Variants in LIG1 observed in about 807,000 individuals in gnomAD.
LIG1 encodes the protein ligase I, DNA, ATP-dependent.
A neutral mutation model predicts 115.7 loss-of-function variants in LIG1; 70 were observed. The observed-to-expected ratio is 0.60, with a 90% confidence interval of 0.50 to 0.74. The LOEUF (loss-of-function observed/expected upper bound fraction) is 0.74, where lower values mean the gene tolerates loss of function less well. LIG1 is among the 30% of genes least tolerant of loss of function. The pLI, the probability that LIG1 is intolerant of heterozygous loss-of-function variation, is 0.00. For missense variants in LIG1, 1,115 were observed against 1,225.6 expected (o/e 0.91, Z 1.35); for synonymous variants, 487 against 495.3 (o/e 0.98, Z 0.22).
At position 48,170,330 on chromosome 19, in the gene LIG1, C is replaced by T. The variant is rs1009692839; in HGVS notation, c.-147G>A. The T allele has an allele frequency of 1.4e-5, 6 of 442,016 alleles. No individual in the cohort carries two copies. The highest frequency in any genetic ancestry group is 2.3e-5 in the Non-Finnish European group (5 of 220,034). The allele number at this position is 442,016 out of a possible 1,614,324, so 27.4% of individuals were successfully genotyped here. ...AGTCCCAAGTTCGCGCCACGGCATT[C>T]GCGCGCAGACGTCTGCGGGCGGGGG... On this transcript the variant is annotated 5_prime_UTR_variant, in exon 1 of 28. Transcript: ENST00000263274.
chr19:48,163,671 TG>T (rs2036314327), intron 2 of LIG1, among the ~76,000 whole-genome samples: 1 of 149,688 alleles, frequency 6.7e-6, no homozygotes, highest in South Asian at 2.2e-4. Flanking sequence ...GGGCCTGGCA[TG>T]GTGGCTCACA....
intron 25 of LIG1, among the ~76,000 whole-genome samples, chr19:48,118,851 A>T (rs2033061975): frequency 6.6e-6 from 1 of 152,328 alleles, no homozygotes; most frequent in Non-Finnish European, 1.5e-5. Flanking sequence ...CTTCACAAGG[A>T]GCAGCTATGG....
In LIG1 at chr19:48,167,835, A is replaced by C. The variant is rs529615339; in HGVS notation, c.-57-2212T>G. On this transcript the variant is annotated intron_variant, in intron 1 of 27. Transcript: ENST00000263274. Reference sequence around the variant, plus strand: ...AGCGAGACCCCGTCTTAAAAAAAAAAAAAAAAAAAAAAAAACAAACAAAAA... The same window carrying C: ...AGCGAGACCCCGTCTTAAAAAAAAACAAAAAAAAAAAAAAACAAACAAAAA... Among the ~76,000 whole-genome samples the C allele has an allele frequency of 2.1e-3, 322 of 151,758 alleles. 2 individuals are homozygous for C. Among genetic ancestry groups the C allele is most frequent in the East Asian group, 8.1e-3 (42 of 5,176 alleles).
intron 15 of LIG1, 112 bp from the exon 16 acceptor site, chr19:48,135,891 G>GCGGGCCC: frequency 3.2e-6 from 3 of 928,678 alleles, no homozygotes; most frequent in Non-Finnish European, 3.4e-6. Flanking sequence ...GGCCCAAGAC[G>GCGGGCCC]CCCCCTCCCC....
At chr19:48,146,348 C>T (rs1193357582) in intron 9 of LIG1, among the ~76,000 whole-genome samples, 1 of 152,194 alleles carries the variant, frequency 6.6e-6, no homozygotes, top group Non-Finnish European at 1.5e-5. Flanking sequence ...TTGGAATAAT[C>T]CCTGCTGTTC....
chr19:48,116,681 A>G (rs1226142608), intron 26 of LIG1, among the ~76,000 whole-genome samples: 1 of 151,980 alleles, frequency 6.6e-6, no homozygotes, highest in Non-Finnish European at 1.5e-5. Flanking sequence ...CGTCTTACGG[A>G]TTTTGAGAGG....
At chr19:48,129,275 T>C (rs1185813448) in intron 19 of LIG1, among the ~76,000 whole-genome samples, 1 of 152,176 alleles carries the variant, frequency 6.6e-6, no homozygotes, top group Non-Finnish European at 1.5e-5. Context: ...GGTCTCGAAC[T>C]CCTAACCTCA....
At chr19:48,142,442 C>CAAAAGAAAAAAAAAA (rs2034825432) in intron 11 of LIG1, among the ~76,000 whole-genome samples, 1 of 75,604 alleles carries the variant, frequency 1.3e-5, no homozygotes, top group African/African-American at 4.9e-5. Flanking sequence ...GACTCCATCT[C>CAAAAGAAAAAAAAAA]AAAAAAAAAA....
intron 23 of LIG1, among the ~76,000 whole-genome samples, 153 bp from the exon 24 acceptor site, chr19:48,121,475 G>C (rs1036494835): frequency 1.3e-5 from 2 of 152,188 alleles, no homozygotes; most frequent in African/African-American, 4.8e-5. Flanking sequence ...CCTGGGAAGA[G>C]ACTGGACATG....
At position 48,143,631 on chromosome 19, in the gene LIG1, G is replaced by A. The variant is rs1222981365; in HGVS notation, c.858-32C>T. 1.9e-6 allele frequency: 3 copies of A among 1,584,070 alleles called. No homozygotes were observed. The South Asian group carries it at 3.3e-5, about 18-fold the overall frequency. ...AAGGAAAAGAGACGCAAGAGTGACA[G>A]TGGTGCAGGCTATACCATGCTGCCC... On this transcript the variant is annotated intron_variant, in intron 10 of 27. Transcript: ENST00000263274.
chr19:48,127,195 TG>T, intron 21 of LIG1, 81 bp downstream of exon 21: 1 of 1,133,194 alleles, frequency 8.8e-7, no homozygotes, highest in Non-Finnish European at 1.3e-6. Context: ...GAGTCGGAAA[TG>T]GAAGTCAGAG....
In LIG1 at chr19:48,143,934, G is replaced by C. The variant is rs1341120570; in HGVS notation, c.806C>G (p.Ala269Gly). 1.3e-5 allele frequency: 21 copies of C among 1,614,042 alleles called. No homozygotes were observed. Among genetic ancestry groups the C allele is most frequent in the Non-Finnish European group, 1.8e-5 (21 of 1,179,934 alleles). The change falls in exon 10 of 28, where the codon GCC (alanine) becomes GGC (glycine). Residue 269 changes from alanine to glycine, a missense_variant. Physicochemically the swap from Ala to Gly is moderately conservative, Grantham distance 60. Transcript: ENST00000263274. ...TTCCACGGGATGATAGTTGTTCTTGGCAGGATTGTAACCAGATGGATCCAG... is the reference window on the plus strand; with the variant it reads ...TTCCACGGGATGATAGTTGTTCTTGCCAGGATTGTAACCAGATGGATCCAG... ...GPLDPSGYNP[A>G]KNNYHPVEDA... is the part of the protein sequence containing the mutation.
chr19:48,133,503 G>A (rs3729519), intron 17 of LIG1: 36,269 of 314,946 alleles, frequency 0.12, 3,621 homozygotes, highest in African/African-American at 0.33. Context: ...CTGGGACACA[G>A]CTGCACACCT....
chr19:48,160,738 CTT>C (rs747316658), intron 4 of LIG1, among the ~76,000 whole-genome samples: 8 of 144,334 alleles, frequency 5.5e-5, no homozygotes, highest in African/African-American at 2.5e-5. Context: ...TATTTTTTTG[CTT>C]TTTTTTTTTT....
At position 48,137,152 on chromosome 19, in the gene LIG1, C is replaced by T. The variant is rs2034445932; in HGVS notation, c.1255-68G>A. 5.4e-6 allele frequency: 7 copies of T among 1,304,846 alleles called. No homozygotes were observed. Among genetic ancestry groups the T allele is most frequent in the African/African-American group, 4.3e-5 (3 of 69,044 alleles). The allele number at this position is 1,304,846 out of a possible 1,614,324, so 80.8% of individuals were successfully genotyped here. A position where few individuals can be genotyped will look rare whatever the true frequency, so the allele number is the denominator to read the frequency against. Reference sequence around the variant, plus strand: ...GGGACCACACCTCCACCCCACCAGCCGTGCTGCTGCCCTGCATTTTGGAAT... The same window carrying T: ...GGGACCACACCTCCACCCCACCAGCTGTGCTGCTGCCCTGCATTTTGGAAT... On this transcript the variant is annotated intron_variant, in intron 13 of 27. Coordinates refer to ENST00000263274, the MANE Select transcript of LIG1 (RefSeq NM_000234.3). The surrounding 1 kb of genome is among the most constrained non-coding windows in gnomAD (Gnocchi z 4.3).
At position 48,163,227 on chromosome 19, in the gene LIG1, T is replaced by A. The variant is rs570152705; in HGVS notation, c.18-876A>T. 9.4e-3 allele frequency among the ~76,000 whole-genome samples: 402 copies of A among 42,590 alleles called. 5 individuals carry two copies. The highest frequency in any genetic ancestry group is 9.4e-3 in the South Asian group (16 of 1,694). The allele number at this position is 42,590 out of a possible 152,430, so 27.9% of individuals were successfully genotyped here. A position where few individuals can be genotyped will look rare whatever the true frequency, so the allele number is the denominator to read the frequency against. ...GCCCCCGCGCCCAGCCTAAAAAAAT[T>A]TTTTTTTTTGAGATGGAGTTTTCAC... On this transcript the variant is annotated intron_variant, in intron 2 of 27. Coordinates refer to ENST00000263274, the MANE Select transcript of LIG1 (RefSeq NM_000234.3).
At position 48,123,335 on chromosome 19, in the gene LIG1, G is replaced by A. The variant is rs2033430826; in HGVS notation, c.2005-17C>T. 6.2e-7 allele frequency: 1 copy of A among 1,611,436 alleles called. No homozygotes were observed. The highest frequency in any genetic ancestry group is 8.5e-7 in the Non-Finnish European group (1 of 1,179,968). ...TACCAGGGACTGCAGGGCCGGCAGG[G>A]AGAAGAGAGATGAGACATCTTTGTG... On this transcript the variant is annotated splice_polypyrimidine_tract_variant and intron_variant, in intron 21 of 27. Transcript: ENST00000263274.
intron 1 of LIG1, among the ~76,000 whole-genome samples, chr19:48,167,573 T>G (rs1296897875): frequency 6.6e-6 from 1 of 152,042 alleles, no homozygotes; most frequent in African/African-American, 2.4e-5. Flanking sequence ...ACGCCTGTAC[T>G]CCCAGCACTT....
At chr19:48,155,717 G>A (rs2035790932) in intron 5 of LIG1, among the ~76,000 whole-genome samples, 1 of 152,146 alleles carries the variant, frequency 6.6e-6, no homozygotes, top group African/African-American at 2.4e-5. Flanking sequence ...CCAACATTCT[G>A]TTTTCATGCT....
Sources: gnomAD v4.1 joint callset for allele counts (sites outside exome capture counted in the v4.1 genomes callset) on GRCh38, gnomAD v4.1.1 for gene constraint, Gnocchi (gnomAD v3.1) non-coding constraint, MANE v1.5 for transcripts, NCBI Gene and HGNC (gene_info 2026-07-23, HGNC 2026-07-21) for gene names.